NOSTRIN: variants seen among roughly 807,000 people sequenced by gnomAD.
The protein encoded by NOSTRIN is nitric oxide synthase trafficking.
A neutral mutation model predicts 59.0 loss-of-function variants in NOSTRIN; 63 were observed. The observed-to-expected ratio is 1.07, with a 90% confidence interval of 0.87 to 1.32. NOSTRIN has a LOEUF of 1.32. Ranked by LOEUF, NOSTRIN falls within the 40% of genes most tolerant of loss-of-function variation. The pLI is 0.00. For missense variants in NOSTRIN, 512 were observed against 473.1 expected, an observed-to-expected ratio of 1.08 and a Z score of -0.76; for synonymous variants, 200 against 165.4, an observed-to-expected ratio of 1.21 and a Z score of -1.61.
At chr2:168,834,183 A>G in intron 6 of NOSTRIN, 44 bp from the exon 7 acceptor site, 1 of 846,270 alleles carries the variant, frequency 1.2e-6, no homozygotes, top group Non-Finnish European at 2.1e-6. Context: ...TCTTGGCATC[A>G]GCCTCTGCTC....
chr2:168,797,677 T>A (rs151230649), upstream of NOSTRIN, among the ~76,000 whole-genome samples: 1 of 17,738 alleles, frequency 5.6e-5, no homozygotes, highest in Non-Finnish European at 1.1e-4. Flanking sequence ...TAACCTTAAA[T>A]TTTTTTTTTT....
Position 168,861,950 on chromosome 2 carries a change from T to C in NOSTRIN, c.1295-10T>C, listed in dbSNP as rs760879165. ...ACACAGCATACTAATTACAGCTTTATCTATTTCAGCCCCTGGTGCAGCCCA... is the reference window on the plus strand; with the variant it reads ...ACACAGCATACTAATTACAGCTTTACCTATTTCAGCCCCTGGTGCAGCCCA... On this transcript the variant is annotated splice_polypyrimidine_tract_variant and intron_variant, in intron 14 of 15. Coordinates refer to ENST00000317647, the MANE Select transcript of NOSTRIN (RefSeq NM_001039724.4). The C allele has an allele frequency of 3.1e-6, 5 of 1,613,590 alleles. No homozygotes were observed. In the South Asian group the frequency reaches 5.5e-5, roughly 18 times the overall value.
At chr2:168,829,177 C>T (rs1687224016) in intron 5 of NOSTRIN, among the ~76,000 whole-genome samples, 1 of 152,138 alleles carries the variant, frequency 6.6e-6, no homozygotes, top group Admixed American at 6.5e-5. Flanking sequence ...ATTAAACAAT[C>T]CTTTCAGGGG....
intron 15 of NOSTRIN, among the ~76,000 whole-genome samples, chr2:168,864,426 C>CAG (rs1559148177): frequency 6.6e-6 from 1 of 152,100 alleles, no homozygotes; most frequent in East Asian, 1.9e-4. Context: ...GCTGGTATTA[C>CAG]AGGCGTGCGC....
chr2:168,797,249 C>G (rs1685509005), upstream of NOSTRIN, among the ~76,000 whole-genome samples: 1 of 151,758 alleles, frequency 6.6e-6, no homozygotes, highest in Non-Finnish European at 1.5e-5. Flanking sequence ...ACCACCATGC[C>G]TGACTAGTTT....
In NOSTRIN at chr2:168,828,276, G is replaced by A. The variant is rs374949234; in HGVS notation, c.260+56G>A. 13 of 872,172 alleles carry A rather than the reference G, an allele frequency of 1.5e-5. No homozygotes were observed. The African/African-American group carries it at 2.0e-4, about 13-fold the overall frequency. 54.0% of individuals were successfully genotyped at this position (872,172 alleles called of 1,614,324 possible). On this transcript the variant is annotated intron_variant, in intron 4 of 15. Transcript: ENST00000317647. ...CTCCAAAGGGAATCAAATATTTAAA[G>A]TGGGTTTGCTACAAATATTCCACTT...
At position 168,843,638 on chromosome 2, in the gene NOSTRIN, A is replaced by C. The variant is rs577530078; in HGVS notation, c.630+521A>C. On this transcript the variant is annotated intron_variant, in intron 8 of 15. Coordinates refer to ENST00000317647, the MANE Select transcript of NOSTRIN (RefSeq NM_001039724.4). ...ATGGGCAAAATATGTCAGCAAGCACATCACAAAAGGAGAAATCAAAATCAT... is the reference window on the plus strand; with the variant it reads ...ATGGGCAAAATATGTCAGCAAGCACCTCACAAAAGGAGAAATCAAAATCAT... Among the ~76,000 whole-genome samples the C allele has an allele frequency of 5.3e-5, 8 of 152,372 alleles. No homozygotes were observed. In the East Asian group the frequency reaches 1.3e-3, roughly 26 times the overall value.
intron 10 of NOSTRIN, among the ~76,000 whole-genome samples, chr2:168,854,296 C>T (rs559115917): frequency 6.6e-6 from 1 of 152,284 alleles, no homozygotes; most frequent in African/African-American, 2.4e-5. Flanking sequence ...TGTGAAGCTC[C>T]ATCTAAAGGT....
At chr2:168,822,043 T>C (rs187367586) in intron 2 of NOSTRIN, among the ~76,000 whole-genome samples, 6 of 152,326 alleles carry the variant, frequency 3.9e-5, no homozygotes, top group African/African-American at 1.4e-4. Context: ...TCTCCTGGGG[T>C]TCCAGAGCAT....
At chr2:168,787,688 A>G (rs1402574546) in intron 1 of NOSTRIN, among the ~76,000 whole-genome samples, 1 of 152,232 alleles carries the variant, frequency 6.6e-6, no homozygotes, top group Admixed American at 6.5e-5. Context: ...ATTTACAGAA[A>G]GAGGAGCTGT....
intron 7 of NOSTRIN, among the ~76,000 whole-genome samples, chr2:168,837,412 A>C (rs1425452557): frequency 7.2e-6 from 1 of 138,208 alleles, no homozygotes; most frequent in African/African-American, 2.7e-5. Context: ...TGGGTTCATG[A>C]CATTCTCCTG....
At chr2:168,841,293 A>AAT (rs10536098) in intron 7 of NOSTRIN, among the ~76,000 whole-genome samples, 7 of 148,622 alleles carry the variant, frequency 4.7e-5, no homozygotes, top group East Asian at 2.0e-4. Context: ...GAATGCTTTA[A>AAT]ATATATATAT....
At chr2:168,802,465 C>A, upstream of NOSTRIN, 1 of 590,390 alleles carries the variant, frequency 1.7e-6, no homozygotes, top group South Asian at 1.9e-5. Context: ...CAGTTCTTTA[C>A]TTTCTCGGGA....
rs375031439 is a variant in NOSTRIN, at chr2:168,864,986, A to G, written c.*16A>G. Reference sequence around the variant, plus strand: ...AAAGGCATAAAACAAGACTCTGAACATACTACCTTCACACTCGGTAATCAA... The same window carrying G: ...AAAGGCATAAAACAAGACTCTGAACGTACTACCTTCACACTCGGTAATCAA... On this transcript the variant is annotated 3_prime_UTR_variant, in exon 16 of 16. Coordinates refer to ENST00000317647, the MANE Select transcript of NOSTRIN (RefSeq NM_001039724.4). 3.1e-4 allele frequency: 504 copies of G among 1,613,350 alleles called. 9 individuals are homozygous for G. In the South Asian group the frequency reaches 5.3e-3, roughly 17 times the overall value.
intron 5 of NOSTRIN, among the ~76,000 whole-genome samples, chr2:168,829,691 C>G (rs901522547): frequency 1.3e-5 from 2 of 152,168 alleles, no homozygotes; most frequent in Admixed American, 6.6e-5. Flanking sequence ...ACTTTATACT[C>G]TACTTCCAGG....
At chr2:168,854,489 A>G (rs1688958477) in intron 10 of NOSTRIN, among the ~76,000 whole-genome samples, 1 of 152,192 alleles carries the variant, frequency 6.6e-6, no homozygotes, top group African/African-American at 2.4e-5. Flanking sequence ...AATCCTTGAA[A>G]TAATGCATGT....
At position 168,865,031 on chromosome 2, in the gene NOSTRIN, T is replaced by G; in HGVS notation, c.*61T>G. 1 of 1,572,308 alleles carries G rather than the reference T, an allele frequency of 6.4e-7. No homozygotes were observed. Among genetic ancestry groups the G allele is most frequent in the Non-Finnish European group, 8.7e-7 (1 of 1,154,678 alleles). ...AATCAACAATACAGTGTGGTTCAAA[T>G]AAGAATAAAGTGCTCTTACCTTTAC... On this transcript the variant is annotated 3_prime_UTR_variant, in exon 16 of 16. Transcript: ENST00000317647.
At chr2:168,811,125 C>T (rs917675326) in intron 1 of NOSTRIN, among the ~76,000 whole-genome samples, 1 of 152,226 alleles carries the variant, frequency 6.6e-6, no homozygotes, top group East Asian at 1.9e-4. Context: ...ATATCTCAGA[C>T]AAGAAAGGCT....
At chr2:168,793,161 A>G (rs924793299), upstream of NOSTRIN, among the ~76,000 whole-genome samples, 4 of 152,126 alleles carry the variant, frequency 2.6e-5, no homozygotes, top group African/African-American at 9.7e-5. Context: ...TGCTGGTTCC[A>G]TTTTAAAACT....
Sources: gnomAD v4.1 joint callset for allele counts (sites outside exome capture counted in the v4.1 genomes callset) on GRCh38, gnomAD v4.1.1 for gene constraint, MANE v1.5 for transcripts, NCBI Gene and HGNC (gene_info 2026-07-23, HGNC 2026-07-21) for gene names.